The following ZNF493 variants were observed in gnomAD, a reference collection of about 807,000 sequenced individuals.
ZNF493 encodes zinc finger protein 493.
ZNF493 carries 11 observed loss-of-function variants against 12.2 expected under a neutral mutation model. The ratio of observed to expected loss-of-function variants is 0.90; its 90% confidence interval spans 0.57 to 1.50. ZNF493 has a LOEUF of 1.50. Among genes scored for constraint, ZNF493 ranks in the 40% most tolerant of loss-of-function variants. The pLI is 0.00. For missense variants in ZNF493, 950 were observed against 906.6 expected, an observed-to-expected ratio of 1.05 and a Z score of -0.61; for synonymous variants, 286 against 302.6, an observed-to-expected ratio of 0.95 and a Z score of 0.57.
At chr19:21,399,179 A>AT (rs1460896644) in intron 1 of ZNF493, among the ~76,000 whole-genome samples, 1 of 151,378 alleles carries the variant, frequency 6.6e-6, no homozygotes, top group East Asian at 1.9e-4. Context: ...TTTTATTTTT[A>AT]TTTTTTTGTC....
At chr19:21,421,033 C>T (rs570735722) in intron 3 of ZNF493, among the ~76,000 whole-genome samples, 1 of 152,202 alleles carries the variant, frequency 6.6e-6, no homozygotes, top group East Asian at 1.9e-4. Context: ...CAGGCATGAG[C>T]TGCTGCACCC....
Position 21,425,293 on chromosome 19 carries a change from C to A in ZNF493, c.*309C>A. The A allele has an allele frequency of 2.2e-6, 1 of 457,506 alleles. No individual in the cohort carries two copies. Among genetic ancestry groups the A allele is most frequent in the Non-Finnish European group, 4.2e-6 (1 of 239,582 alleles). The allele number at this position is 457,506 out of a possible 1,614,324, so 28.3% of individuals were successfully genotyped here. On this transcript the variant is annotated 3_prime_UTR_variant, in exon 4 of 4. Transcript: ENST00000392288. ...TACAAATATGAAGAATGTGACAAAG[C>A]TTTTAACCACTTCTCAACCCTGCCT...
chr19:21,423,746 C>T lies in ZNF493; in HGVS notation c.1087C>T (p.His363Tyr), dbSNP rs954083237. 26 of 1,611,020 alleles carry T rather than the reference C, an allele frequency of 1.6e-5. No homozygotes were observed. The highest frequency in any genetic ancestry group is 9.4e-5 in the African/African-American group (7 of 74,206). Residue 363 changes from histidine to tyrosine, a missense_variant, in exon 4 of 4, where the codon CAC (histidine) becomes TAC (tyrosine). His to Tyr is a moderately conservative substitution (Grantham distance 83, BLOSUM62 2). Coordinates refer to ENST00000392288, the MANE Select transcript of ZNF493 (RefSeq NM_001076678.3). Reference protein sequence around the residue: ...EYCKAYKESSHLTTHKRIHTG... With the variant: ...EYCKAYKESSYLTTHKRIHTG... Reference sequence around the variant, plus strand: ...TTGCAAAGCTTATAAGGAGTCCTCACACCTTACTACACATAAAAGAATTCA... The same window carrying T: ...TTGCAAAGCTTATAAGGAGTCCTCATACCTTACTACACATAAAAGAATTCA...
At chr19:21,422,310 G>T (rs2030701254) in intron 3 of ZNF493, among the ~76,000 whole-genome samples, 1 of 150,354 alleles carries the variant, frequency 6.7e-6, no homozygotes, top group South Asian at 2.1e-4. Flanking sequence ...TATCATAGAA[G>T]ACAGAAGCCA....
At chr19:21,419,151 T>C (rs1223809284) in intron 3 of ZNF493, among the ~76,000 whole-genome samples, 1 of 152,150 alleles carries the variant, frequency 6.6e-6, no homozygotes, top group African/African-American at 2.4e-5. Flanking sequence ...TCCAGAGCCA[T>C]GTGACTGGCA....
chr19:21,407,090 G>A (rs1259814849), intron 3 of ZNF493, among the ~76,000 whole-genome samples: 1 of 151,936 alleles, frequency 6.6e-6, no homozygotes, highest in Non-Finnish European at 1.5e-5. Context: ...GCTGGGGCCT[G>A]TAATCCCAGC....
At chr19:21,400,525 C>T (rs532455172) in intron 1 of ZNF493, among the ~76,000 whole-genome samples, 2 of 152,044 alleles carry the variant, frequency 1.3e-5, no homozygotes, top group Non-Finnish European at 2.9e-5. Flanking sequence ...GTAACTCTAA[C>T]GTGAAAATTA....
intron 1 of ZNF493, among the ~76,000 whole-genome samples, chr19:21,402,825 G>C (rs1022394373): frequency 2.0e-5 from 3 of 152,174 alleles, no homozygotes. Context: ...AAGAGTGAGG[G>C]ATAAGGCCAC....
At chr19:21,409,132 C>T (rs1190230468) in intron 3 of ZNF493, among the ~76,000 whole-genome samples, 1 of 152,062 alleles carries the variant, frequency 6.6e-6, no homozygotes, top group African/African-American at 2.4e-5. Context: ...GATCTGCCTG[C>T]CTCAGCCTCC....
chr19:21,413,279 G>A (rs1014333970), intron 3 of ZNF493: 26 of 409,168 alleles, frequency 6.4e-5, no homozygotes, highest in African/African-American at 5.4e-4. Context: ...AAGAAAGCAT[G>A]TGTAACTGTG....
chr19:21,423,516 T>C lies in ZNF493; in HGVS notation c.857T>C (p.Ile286Thr). Residue 286 changes from isoleucine to threonine, a missense_variant, in exon 4 of 4, where the codon ATT becomes ACT. By Grantham distance (89) the Ile-to-Thr change is moderately conservative. Coordinates refer to ENST00000392288, the MANE Select transcript of ZNF493 (RefSeq NM_001076678.3). ...TCATACCTTACTAGGCATAAGCTAA[T>C]TCATACTAGAGAGAAACCCTATAAA... ...QFSYLTRHKL[I>T]HTREKPYKCE... 2 of 1,613,682 alleles carry C rather than the reference T, an allele frequency of 1.2e-6. No individual in the cohort carries two copies. Among genetic ancestry groups the C allele is most frequent in the Non-Finnish European group, 1.7e-6 (2 of 1,179,838 alleles).
intron 1 of ZNF493, among the ~76,000 whole-genome samples, chr19:21,402,585 C>T (rs947377783): frequency 8.5e-5 from 13 of 152,106 alleles, no homozygotes; most frequent in South Asian, 8.3e-4. Context: ...CAGGCCTCTG[C>T]CTGGGATTTA....
intron 3 of ZNF493, among the ~76,000 whole-genome samples, chr19:21,422,204 G>A (rs1252081618): frequency 6.6e-6 from 1 of 151,932 alleles, no homozygotes; most frequent in African/African-American, 2.4e-5. Context: ...TCTTTCTGTG[G>A]CACTGCAGTC....
At chr19:21,414,710 C>T (rs1380609017) in intron 3 of ZNF493, 1 of 152,172 alleles carries the variant, frequency 6.6e-6, no homozygotes, top group Non-Finnish European at 1.5e-5. Flanking sequence ...TCAATTGCAG[C>T]TACAAGTTCT....
chr19:21,408,672 A>G (rs1283952256), intron 3 of ZNF493: 1 of 985,196 alleles, frequency 1.0e-6, no homozygotes, highest in Non-Finnish European at 1.2e-6. Context: ...TTTTCAGTGT[A>G]GGTATCTTAA....
chr19:21,414,464 C>T (rs1173987540), intron 3 of ZNF493: 1 of 152,202 alleles, frequency 6.6e-6, no homozygotes, highest in Non-Finnish European at 1.5e-5. Context: ...GGCAATCGGC[C>T]ATTTGATTCC....
Position 21,408,970 on chromosome 19 carries a change from C to T in ZNF493, c.253+3114C>T, listed in dbSNP as rs566313388. Among the ~76,000 whole-genome samples, 593 of 151,452 alleles carry T rather than the reference C, an allele frequency of 3.9e-3. 9 individuals carry two copies. Among genetic ancestry groups the T allele is most frequent in the African/African-American group, 0.014 (572 of 41,236 alleles). ...AACAATCTCGGCTCACTGCAACCTC[C>T]TCCTCCCGGGTTCACGTCATTCTCC... On this transcript the variant is annotated intron_variant, in intron 3 of 3. Transcript: ENST00000392288.
intron 3 of ZNF493, among the ~76,000 whole-genome samples, chr19:21,409,418 T>G (rs533727703): frequency 6.6e-6 from 1 of 152,320 alleles, no homozygotes; most frequent in South Asian, 2.1e-4. Context: ...TAAAAACACA[T>G]AAAATTTAGC....
intron 3 of ZNF493, chr19:21,413,518 T>C: frequency 2.5e-6 from 1 of 402,434 alleles, no homozygotes; most frequent in South Asian, 1.2e-4. Context: ...GGTGGGTGGC[T>C]GTGTTCGACG....
Sources: gnomAD v4.1 joint callset for allele counts (sites outside exome capture counted in the v4.1 genomes callset) on GRCh38, gnomAD v4.1.1 for gene constraint, MANE v1.5 for transcripts, NCBI Gene and HGNC (gene_info 2026-07-23, HGNC 2026-07-21) for gene names.